The following KALRN variants were observed in gnomAD, a reference collection of about 807,000 sequenced individuals.
KALRN encodes the protein kalirin.
A neutral mutation model predicts 353.7 loss-of-function variants in KALRN; 70 were observed. The ratio of observed to expected loss-of-function variants is 0.20; its 90% CI spans 0.16 to 0.24. KALRN has a LOEUF of 0.24. Ranked by LOEUF, KALRN falls within the 10% of genes least tolerant of loss-of-function variation. The probability of loss-of-function intolerance (pLI) is 1.00; values close to 1 mark genes in which losing one functional copy is unlikely to be tolerated. For synonymous variants in KALRN, 1,391 were observed against 1,434.8 expected (o/e 0.97, Z 0.69); for missense variants, 2,791 against 3,756.7 (o/e 0.74, Z 6.72).
intron 1 of KALRN, among the ~76,000 whole-genome samples, chr3:124,157,231 A>T (rs2069132172): frequency 6.6e-6 from 1 of 152,188 alleles, no homozygotes; most frequent in Non-Finnish European, 1.5e-5. Flanking sequence ...ACAGACAAGG[A>T]CCCTGAGGAG....
intron 34 of KALRN, among the ~76,000 whole-genome samples, chr3:124,575,498 T>C (rs1258832311): frequency 1.3e-5 from 2 of 152,226 alleles, no homozygotes; most frequent in African/African-American, 4.8e-5. Flanking sequence ...TCATTTCCTG[T>C]TGCTGCTGTA....
intron 34 of KALRN, among the ~76,000 whole-genome samples, chr3:124,617,197 G>C (rs2078709885): frequency 6.6e-6 from 1 of 152,106 alleles, no homozygotes; most frequent in South Asian, 2.1e-4. Context: ...AGCTGGGCAT[G>C]GTGGCATGAG....
At chr3:124,649,790 A>AATAG (rs57296265) in intron 37 of KALRN, among the ~76,000 whole-genome samples, 55,781 of 132,542 alleles carry the variant, frequency 0.42, 12,025 homozygotes, top group South Asian at 0.45. Flanking sequence ...CCTGTCTCAA[A>AATAG]ATAGATAGAT....
At chr3:124,063,541 A>G (rs1333763995) in intron 1 of KALRN, among the ~76,000 whole-genome samples, 2 of 152,206 alleles carry the variant, frequency 1.3e-5, no homozygotes, top group Non-Finnish European at 2.9e-5. Flanking sequence ...AGACACAAAC[A>G]TTCTCGGCCA....
At chr3:124,146,878 A>AAAAC (rs2067413677) in intron 1 of KALRN, among the ~76,000 whole-genome samples, 2 of 149,988 alleles carry the variant, frequency 1.3e-5, no homozygotes, top group African/African-American at 4.9e-5. Flanking sequence ...CTGTCTCAAA[A>AAAAC]AAAAAAAAAA....
At chr3:124,064,779 G>T (rs948651032) in intron 1 of KALRN, among the ~76,000 whole-genome samples, 2 of 152,184 alleles carry the variant, frequency 1.3e-5, no homozygotes, top group African/African-American at 4.8e-5. Flanking sequence ...GCACAGCCTT[G>T]CTTTTCTTTC....
At chr3:124,251,283 C>G (rs969350112) in intron 3 of KALRN, among the ~76,000 whole-genome samples, 14 of 152,000 alleles carry the variant, frequency 9.2e-5, no homozygotes, top group African/African-American at 3.1e-4. Context: ...ATTCCCGGAG[C>G]TCTCTTTGGG....
chr3:124,051,311 T>C (rs956792294), intron 1 of KALRN, among the ~76,000 whole-genome samples: 1 of 152,212 alleles, frequency 6.6e-6, no homozygotes, highest in Non-Finnish European at 1.5e-5. Flanking sequence ...AGGTTGGTGT[T>C]TTGGTCTGAT....
Position 124,245,660 on chromosome 3 carries a change from G to GTT in KALRN, c.263+10725_263+10726dup, listed in dbSNP as rs71884682. ...TCCACCTCAGCATCTGTTATTTTCT[G>GTT]TTTTTTTTTGTCATTGTTGTTGTTT... On this transcript the variant is annotated intron_variant, in intron 3 of 59. Transcript: ENST00000682506. 7.8e-3 allele frequency among the ~76,000 whole-genome samples: 933 copies of GTT among 119,878 alleles called. 8 individuals carry two copies. The highest frequency in any genetic ancestry group is 0.024 in the African/African-American group (869 of 36,800). 78.6% of individuals were successfully genotyped at this position (119,878 alleles called of 152,430 possible). A position where few individuals can be genotyped will look rare whatever the true frequency, so the allele number is the denominator to read the frequency against.
chr3:124,657,483 T>A lies in KALRN; in HGVS notation c.5898T>A (p.Pro1966=). The A allele has an allele frequency of 6.2e-7, 1 of 1,614,044 alleles. No individual in the cohort carries two copies. Among genetic ancestry groups the A allele is most frequent in the Non-Finnish European group, 8.5e-7 (1 of 1,179,894 alleles). ...AGAGAATAGAAGAAAAGGGTGTCCCTGAGGATATGCGAGGAAAGGACAAAA... is the reference window on the plus strand; with the variant it reads ...AGAGAATAGAAGAAAAGGGTGTCCCAGAGGATATGCGAGGAAAGGACAAAA... ...FMKRIEEKGV[P]EDMRGKDKIV... The change falls in exon 40 of 60, where the codon CCT becomes CCA. Residue 1966 remains proline, a synonymous_variant. Coordinates refer to ENST00000682506, the MANE Select transcript of KALRN (RefSeq NM_001388419.1).
intron 1 of KALRN, among the ~76,000 whole-genome samples, chr3:124,076,308 T>A (rs911383012): frequency 6.6e-6 from 1 of 152,132 alleles, no homozygotes; most frequent in Non-Finnish European, 1.5e-5. Flanking sequence ...CTGATCAGGA[T>A]CATTTCTCCA....
intron 34 of KALRN, among the ~76,000 whole-genome samples, chr3:124,580,192 G>C (rs2074486222): frequency 1.3e-5 from 2 of 152,208 alleles, no homozygotes; most frequent in African/African-American, 4.8e-5. Flanking sequence ...CTAATAATCT[G>C]TGTTTTAACA....
chr3:124,111,264 G>A (rs994895080), intron 1 of KALRN, among the ~76,000 whole-genome samples: 5 of 152,178 alleles, frequency 3.3e-5, no homozygotes, highest in Admixed American at 6.5e-5. Context: ...ATGCAGAACC[G>A]ATAACAACTG....
At chr3:124,310,318 T>A (rs2078127536) in intron 6 of KALRN, among the ~76,000 whole-genome samples, 1 of 152,200 alleles carries the variant, frequency 6.6e-6, no homozygotes, top group Non-Finnish European at 1.5e-5. Flanking sequence ...GACTTAATAT[T>A]GTTAGGATGG....
At chr3:124,185,021 T>C (rs1163006285) in intron 1 of KALRN, among the ~76,000 whole-genome samples, 1 of 152,160 alleles carries the variant, frequency 6.6e-6, no homozygotes, top group Non-Finnish European at 1.5e-5. Context: ...TTGTTTGTTT[T>C]GTTTTGCTTT....
intron 17 of KALRN, among the ~76,000 whole-genome samples, chr3:124,435,831 T>C (rs981354228): frequency 1.3e-5 from 2 of 152,188 alleles, no homozygotes; most frequent in Non-Finnish European, 2.9e-5. Flanking sequence ...TTGTAGAAAT[T>C]AATACATTGA....
intron 29 of KALRN, 82 bp downstream of exon 29, chr3:124,488,397 A>C (rs1403477371): frequency 1.1e-6 from 1 of 913,010 alleles, no homozygotes; most frequent in Non-Finnish European, 1.8e-6. Flanking sequence ...AAGTGGCATG[A>C]AGTTAGACAA....
chr3:124,115,327 G>T (rs1380388457), intron 1 of KALRN, among the ~76,000 whole-genome samples: 1 of 152,192 alleles, frequency 6.6e-6, no homozygotes, highest in Non-Finnish European at 1.5e-5. Flanking sequence ...AGCAAGAAAA[G>T]TAACTTGATC....
intron 6 of KALRN, among the ~76,000 whole-genome samples, chr3:124,318,000 C>G (rs1314233073): frequency 6.6e-6 from 1 of 151,996 alleles, no homozygotes; most frequent in Non-Finnish European, 1.5e-5. Context: ...TTACTCAGAG[C>G]TGAGAGAGAG....
Sources: allele counts gnomAD v4.1 joint callset (sites outside exome capture counted in the v4.1 genomes callset), GRCh38; gene constraint gnomAD v4.1.1; transcripts MANE v1.5; gene names NCBI Gene and HGNC (gene_info 2026-07-23, HGNC 2026-07-21).